Variants in NEDD4L observed in about 807,000 individuals in gnomAD.
The protein encoded by NEDD4L is NEDD4 like E3 ubiquitin protein ligase.
In NEDD4L, 54 loss-of-function variants were observed where a neutral mutation model predicts 148.9. The ratio of observed to expected loss-of-function variants is 0.36; its 90% CI spans 0.29 to 0.45. NEDD4L has a LOEUF of 0.45. Ranked by LOEUF, NEDD4L falls within the 20% of genes least tolerant of loss-of-function variation. The pLI is 1.00. For missense variants in NEDD4L, 856 were observed against 1,233.8 expected, an observed-to-expected ratio of 0.69 and a Z score of 4.59; for synonymous variants, 433 against 440.7, an observed-to-expected ratio of 0.98 and a Z score of 0.22.
At position 58,107,103 on chromosome 18, in the gene NEDD4L, C is replaced by T. The variant is rs148223533; in HGVS notation, c.49-58685C>T. 4.0e-4 allele frequency among the ~76,000 whole-genome samples: 61 copies of T among 152,274 alleles called. No individual in the cohort carries two copies. In the South Asian group the frequency reaches 0.01, roughly 26 times the overall value. On this transcript the variant is annotated intron_variant, in intron 1 of 30. Transcript: ENST00000400345. ...CTTCTTGCTTCTTCACATGGTCCTC[C>T]TTCTGTGTGTGACTGTGTCCAAATT...
chr18:58,095,492 C>T (rs914299562), intron 1 of NEDD4L, among the ~76,000 whole-genome samples: 1 of 105,392 alleles, frequency 9.5e-6, no homozygotes, highest in Non-Finnish European at 1.9e-5. Context: ...GAGGCCTGGA[C>T]AGGAAGATGG....
At chr18:58,172,176 A>G (rs2037587551) in intron 2 of NEDD4L, among the ~76,000 whole-genome samples, 1 of 152,136 alleles carries the variant, frequency 6.6e-6, no homozygotes, top group Non-Finnish European at 1.5e-5. Context: ...CCATCCTTCC[A>G]TAGAGGAGAG....
intron 1 of NEDD4L, among the ~76,000 whole-genome samples, chr18:58,126,244 A>G (rs1382390540): frequency 6.6e-6 from 1 of 152,202 alleles, no homozygotes; most frequent in Non-Finnish European, 1.5e-5. Context: ...ATTTTAGAAA[A>G]TTTTCATCAG....
In NEDD4L at chr18:58,396,275, C is replaced by T. The variant is rs1457256473; in HGVS notation, c.*6C>T. On this transcript the variant is annotated 3_prime_UTR_variant, in exon 31 of 31. Transcript: ENST00000400345. ...GATTTGAAGGGGTGGATTAAGCACCCTGTGCCTCGGGGGTGGTTGTTCTTC... is the reference window on the plus strand; with the variant it reads ...GATTTGAAGGGGTGGATTAAGCACCTTGTGCCTCGGGGGTGGTTGTTCTTC... 5.6e-6 allele frequency: 9 copies of T among 1,594,438 alleles called. No individual in the cohort carries two copies. In the South Asian group the frequency reaches 1.0e-4, roughly 18 times the overall value.
chr18:58,354,111 G>C (rs1328516910), intron 18 of NEDD4L, among the ~76,000 whole-genome samples: 1 of 152,170 alleles, frequency 6.6e-6, no homozygotes, highest in East Asian at 1.9e-4. Context: ...GCTGTCTATG[G>C]AATGGCTCCT....
chr18:58,401,211 T>C lies in NEDD4L; in HGVS notation c.*4942T>C, dbSNP rs1281965794. 1 of 152,212 alleles carries C rather than the reference T, an allele frequency of 6.6e-6. No homozygotes were observed. Among genetic ancestry groups the C allele is most frequent in the South Asian group, 2.1e-4 (1 of 4,824 alleles). The allele number at this position is 152,212 out of a possible 1,614,324, so 9.4% of individuals were successfully genotyped here. A position where few individuals can be genotyped will look rare whatever the true frequency, so the allele number is the denominator to read the frequency against. The stretch of plus-strand genomic sequence containing the variant: ...ATTATCAATGTTTCATAACTTTTTA[T>C]TATAAACCCACCTCCTAATAGGAAG... On this transcript the variant is annotated 3_prime_UTR_variant, in exon 31 of 31. Transcript: ENST00000400345.
intron 30 of NEDD4L, among the ~76,000 whole-genome samples, chr18:58,394,285 A>G (rs1444838985): frequency 6.6e-6 from 1 of 152,340 alleles, no homozygotes; most frequent in East Asian, 1.9e-4. Context: ...TACAGATAAC[A>G]CTGGGATGCA....
At chr18:58,213,516 A>G (rs1213697741) in intron 2 of NEDD4L, among the ~76,000 whole-genome samples, 3 of 152,210 alleles carry the variant, frequency 2.0e-5, no homozygotes, top group Admixed American at 6.5e-5. Context: ...CCATATGTGT[A>G]AATGTGTGAG....
intron 2 of NEDD4L, among the ~76,000 whole-genome samples, chr18:58,201,041 AAAG>A (rs1285310169): frequency 1.3e-5 from 2 of 152,228 alleles, no homozygotes; most frequent in African/African-American, 4.8e-5. Context: ...AATGTTAGAT[AAAG>A]AAGATTAGGC....
At position 58,256,229 on chromosome 18, in the gene NEDD4L, T is replaced by G. The variant is rs1055767151; in HGVS notation, c.297+4175T>G. ...GGGCCTGCGCATCCAGCACCGCGCC[T>G]CCAGCGCCGACGTGCGCCAGGTGAG... On this transcript the variant is annotated intron_variant, in intron 5 of 30. Coordinates refer to ENST00000400345, the MANE Select transcript of NEDD4L (RefSeq NM_001144967.3). The surrounding 1 kb of genome is among the most constrained non-coding windows in gnomAD (Gnocchi z 5.2). 5 of 1,226,932 alleles carry G rather than the reference T, an allele frequency of 4.1e-6. No homozygotes were observed. Among genetic ancestry groups the G allele is most frequent in the Non-Finnish European group, 4.1e-6 (4 of 984,986 alleles). 76.0% of individuals were successfully genotyped at this position (1,226,932 alleles called of 1,614,324 possible). A position where few individuals can be genotyped will look rare whatever the true frequency, so the allele number is the denominator to read the frequency against.
intron 2 of NEDD4L, among the ~76,000 whole-genome samples, chr18:58,174,203 T>C (rs13381995): frequency 0.071 from 10,793 of 151,940 alleles, 1,265 homozygotes; most frequent in African/African-American, 0.24. Flanking sequence ...GGTGCTTCTC[T>C]CCTTCCCGTG....
At chr18:58,085,417 A>G (rs1466481060) in intron 1 of NEDD4L, among the ~76,000 whole-genome samples, 1 of 152,104 alleles carries the variant, frequency 6.6e-6, no homozygotes, top group East Asian at 1.9e-4. Context: ...GACACTGTAA[A>G]ACCATGCTTC....
At chr18:58,251,975 A>G (rs1289160724) in intron 4 of NEDD4L, 26 bp from the exon 5 acceptor site, 1 of 1,366,064 alleles carries the variant, frequency 7.3e-7, no homozygotes, top group Admixed American at 1.7e-5. Flanking sequence ...TGCTCGTTTA[A>G]AAAATACTAT....
intron 1 of NEDD4L, among the ~76,000 whole-genome samples, chr18:58,111,441 T>G (rs1398889789): frequency 6.6e-6 from 1 of 152,160 alleles, no homozygotes; most frequent in African/African-American, 2.4e-5. Context: ...CTCCCACACA[T>G]CCCTCTCCCC....
rs117267081 is a variant in NEDD4L at position 58,127,986 on chromosome 18, C to A, written c.49-37802C>A. ...GTTCAAGTGATTCTTGTGCCTCAGC[C>A]CAGTGCCACCATGCCCGGCTAATTT... On this transcript the variant is annotated intron_variant, in intron 1 of 30. Coordinates refer to ENST00000400345, the MANE Select transcript of NEDD4L (RefSeq NM_001144967.3). Among the ~76,000 whole-genome samples, 339 of 152,204 alleles carry A rather than the reference C, an allele frequency of 2.2e-3. 6 individuals are homozygous for A. In the East Asian group the frequency reaches 0.051, roughly 23 times the overall value.
chr18:58,062,886 T>G (rs7230909), intron 1 of NEDD4L, among the ~76,000 whole-genome samples: 122,388 of 150,910 alleles, frequency 0.81, 50,107 homozygotes, highest in East Asian at 1. Flanking sequence ...TACTCGGGAG[T>G]CTGAGGCAGG....
intron 14 of NEDD4L, among the ~76,000 whole-genome samples, chr18:58,341,385 C>T (rs1011934740): frequency 4.6e-5 from 7 of 152,108 alleles, no homozygotes; most frequent in East Asian, 1.9e-4. Flanking sequence ...AAAAATGTGA[C>T]GTGAAAGATA....
intron 5 of NEDD4L, among the ~76,000 whole-genome samples, chr18:58,290,546 G>A (rs2054575092): frequency 6.6e-6 from 1 of 152,132 alleles, no homozygotes; most frequent in Admixed American, 6.5e-5. Context: ...AAATAGGTAG[G>A]CGATCCCTTA....
At chr18:58,060,487 C>G (rs2082284288) in intron 1 of NEDD4L, among the ~76,000 whole-genome samples, 2 of 152,090 alleles carry the variant, frequency 1.3e-5, no homozygotes, top group Non-Finnish European at 2.9e-5. Flanking sequence ...TAGGCAGTTG[C>G]AGAGCTGTCC....
Sources: allele counts gnomAD v4.1 joint callset (sites outside exome capture counted in the v4.1 genomes callset), GRCh38; gene constraint gnomAD v4.1.1; non-coding constraint Gnocchi (gnomAD v3.1); transcripts MANE v1.5; gene names NCBI Gene and HGNC (gene_info 2026-07-23, HGNC 2026-07-21).